ATRX: variants seen among roughly 807,000 people sequenced by gnomAD.
The protein encoded by ATRX is chromatin remodeler ATRX.
ATRX carries 12 observed loss-of-function variants against 172.6 expected under a neutral mutation model. That is an observed-to-expected ratio of 0.07 (90% CI 0.04 to 0.11). ATRX has a LOEUF of 0.11. ATRX is among the 10% of genes least tolerant of loss of function. The pLI is 1.00. For synonymous variants in ATRX, 674 were observed against 594.7 expected, an observed-to-expected ratio of 1.13 and a Z score of -1.94; for missense variants, 1,368 against 1,767.4, an observed-to-expected ratio of 0.77 and a Z score of 4.05.
intron 1 of ATRX, among the ~76,000 whole-genome samples, chrX:77,749,429 AT>A (rs1307632256): frequency 9.0e-6 from 1 of 111,554 alleles, no homozygotes; most frequent in Non-Finnish European, 1.9e-5. Context: ...AAATGTAGGT[AT>A]CTTTTTGACA....
intron 17 of ATRX, 40 bp from the exon 18 acceptor site, chrX:77,633,752 CA>C (rs782111058): frequency 2.6e-6 from 3 of 1,148,764 alleles, no homozygotes; most frequent in African/African-American, 1.8e-5. Context: ...TAAATATCCA[CA>C]AAAAAATTTA....
chrX:77,557,740 G>A, intron 29 of ATRX, 95 bp from the exon 30 acceptor site: 2 of 793,582 alleles, frequency 2.5e-6, no homozygotes, highest in Admixed American at 3.5e-5. Flanking sequence ...AATATGAAAT[G>A]GTAAAACTTT....
At chrX:77,626,505 T>C (rs2067857364) in intron 19 of ATRX, among the ~76,000 whole-genome samples, 1 of 111,626 alleles carries the variant, frequency 9.0e-6, no homozygotes, top group South Asian at 3.7e-4. Flanking sequence ...AATATATTAC[T>C]AAATAAAAAG....
Position 77,627,780 on chromosome X carries a change from T to A in ATRX, c.5134+5427A>T, listed in dbSNP as rs1191138203. On this transcript the variant is annotated intron_variant, in intron 19 of 34. Transcript: ENST00000373344. ...TCCTCAGAAGGCTGAACTGGGAGGA[T>A]CACTTGAGCCCAGGATTTGAAGCTA... 1.7e-4 allele frequency among the ~76,000 whole-genome samples: 19 copies of A among 108,861 alleles called. 1 individual carries two copies. In the Admixed American group the frequency reaches 1.9e-3, roughly 11 times the overall value. The allele number at this position is 108,861 out of a possible 115,157, so 94.5% of individuals were successfully genotyped here. A position where few individuals can be genotyped will look rare whatever the true frequency, so the allele number is the denominator to read the frequency against.
chrX:77,530,108 G>A (rs904037965), intron 30 of ATRX, among the ~76,000 whole-genome samples: 8 of 111,690 alleles, frequency 7.2e-5, no homozygotes, highest in South Asian at 3.7e-4. Flanking sequence ...AGACCACAGC[G>A]CAATCAAATT....
chrX:77,589,649 T>A, intron 27 of ATRX, among the ~76,000 whole-genome samples, 185 bp downstream of exon 27: 1 of 111,809 alleles, frequency 8.9e-6, no homozygotes, highest in East Asian at 2.8e-4. Flanking sequence ...ATATAAACAA[T>A]ACAATTTTAT....
intron 30 of ATRX, among the ~76,000 whole-genome samples, 173 bp downstream of exon 30, chrX:77,557,278 A>T (rs112709432): frequency 4.6e-4 from 51 of 111,927 alleles, no homozygotes; most frequent in South Asian, 2.9e-3. Flanking sequence ...TATGGAGAAC[A>T]GATCAAGCAC....
chrX:77,648,860 T>C (rs2069060976), intron 15 of ATRX, among the ~76,000 whole-genome samples: 2 of 111,417 alleles, frequency 1.8e-5, no homozygotes, highest in Non-Finnish European at 3.8e-5. Flanking sequence ...ATCTAAATAG[T>C]TCTACATGTA....
chrX:77,773,092 T>TAAAAAAAAAA (rs782649057), intron 1 of ATRX, among the ~76,000 whole-genome samples: 1 of 37,355 alleles, frequency 2.7e-5, no homozygotes, highest in Non-Finnish European at 4.2e-5. Context: ...AAATTTCAGC[T>TAAAAAAAAAA]AAAAAAAAAA....
At position 77,716,301 on chromosome X, in the gene ATRX, T is replaced by TAA. The variant is rs35192332; in HGVS notation, c.133+828_133+829dup. ...GTGACAAAGCAAGACCTCGTCTCTT[T>TAA]AAAAAAAAAAAAAAAAAAAAAAATA... On this transcript the variant is annotated intron_variant, in intron 2 of 34. Transcript: ENST00000373344. 2.2e-3 allele frequency among the ~76,000 whole-genome samples: 84 copies of TAA among 37,839 alleles called. 1 individual carries two copies. Among genetic ancestry groups the TAA allele is most frequent in the African/African-American group, 5.2e-3 (40 of 7,701 alleles). The allele number at this position is 37,839 out of a possible 115,157, so 32.9% of individuals were successfully genotyped here.
At chrX:77,686,654 G>A (rs1250150908) in intron 7 of ATRX, among the ~76,000 whole-genome samples, 2 of 111,101 alleles carry the variant, frequency 1.8e-5, no homozygotes, top group Non-Finnish European at 3.8e-5. Flanking sequence ...GGCGGAGGTT[G>A]CAGTGAGCCA....
intron 1 of ATRX, among the ~76,000 whole-genome samples, chrX:77,751,783 C>T (rs1557187739): frequency 8.9e-6 from 1 of 111,916 alleles, no homozygotes; most frequent in African/African-American, 3.2e-5. Context: ...ATCCTTTCCC[C>T]ATTGCTTGTC....
In ATRX at chrX:77,644,768, A is replaced by G. The variant is rs1329785452; in HGVS notation, c.4557+7346T>C. On this transcript the variant is annotated intron_variant, in intron 15 of 34. Coordinates refer to ENST00000373344, the MANE Select transcript of ATRX (RefSeq NM_000489.6). The stretch of plus-strand genomic sequence containing the variant: ...AACAAAAAGGGATGGGAGGGAAACC[A>G]TCATGAAGAACATCTTATGTATTAC... Among the ~76,000 whole-genome samples, 7 of 111,203 alleles carry G rather than the reference A, an allele frequency of 6.3e-5. No individual in the cohort carries two copies. The Admixed American group carries it at 6.7e-4, about 11-fold the overall frequency.
At chrX:77,575,938 A>G (rs1477697845) in intron 27 of ATRX, among the ~76,000 whole-genome samples, 1 of 111,715 alleles carries the variant, frequency 9.0e-6, no homozygotes, top group Non-Finnish European at 1.9e-5. Context: ...GGCACATAAT[A>G]TATGTGTCTG....
At chrX:77,530,753 G>C (rs782291252) in intron 30 of ATRX, among the ~76,000 whole-genome samples, 1 of 110,321 alleles carries the variant, frequency 9.1e-6, no homozygotes, top group African/African-American at 3.3e-5. Context: ...ACTAAGATCA[G>C]AGCTGAGCTG....
chrX:77,575,514 AATG>A (rs1214182237), intron 27 of ATRX: 8 of 111,739 alleles, frequency 7.2e-5, no homozygotes, highest in African/African-American at 2.6e-4. Flanking sequence ...ATGAATGGAA[AATG>A]ATATGACTAT....
At chrX:77,674,396 G>A (rs1557132401) in intron 10 of ATRX, 1 of 111,154 alleles carries the variant, frequency 9.0e-6, no homozygotes, top group Non-Finnish European at 1.9e-5. Flanking sequence ...ATTAAACTGA[G>A]TATAGAAAGA....
chrX:77,641,104 A>G (rs1488346797), intron 15 of ATRX, among the ~76,000 whole-genome samples: 2 of 111,931 alleles, frequency 1.8e-5, no homozygotes, highest in Admixed American at 9.5e-5. Context: ...AAACGCATTA[A>G]CCAGGCTTTT....
chrX:77,536,697 A>G (rs992912391), intron 30 of ATRX, among the ~76,000 whole-genome samples: 1 of 112,289 alleles, frequency 8.9e-6, no homozygotes, highest in Non-Finnish European at 1.9e-5. Context: ...TCTCTCTACA[A>G]TGGATAATTT....
Sources: allele counts gnomAD v4.1 joint callset (sites outside exome capture counted in the v4.1 genomes callset), GRCh38; gene constraint gnomAD v4.1.1; transcripts MANE v1.5; gene names NCBI Gene and HGNC (gene_info 2026-07-23, HGNC 2026-07-21).